Variants in SGCZ observed in about 807,000 individuals in gnomAD.
The protein encoded by SGCZ is sarcoglycan zeta.
A neutral mutation model predicts 41.3 loss-of-function variants in SGCZ; 40 were observed. The ratio of observed to expected loss-of-function variants is 0.97; its 90% CI spans 0.75 to 1.26. The LOEUF (loss-of-function observed/expected upper bound fraction) is 1.26, where lower values mean the gene tolerates loss of function less well. Ranked by LOEUF, SGCZ falls within the 50% of genes most tolerant of loss-of-function variation. The pLI is 0.00. For missense variants in SGCZ, 552 were observed against 369.8 expected (o/e 1.49, Z -4.04); for synonymous variants, 206 against 137.5 (o/e 1.50, Z -3.49).
intron 1 of SGCZ, among the ~76,000 whole-genome samples, chr8:15,033,136 C>A (rs893727608): frequency 1.3e-5 from 2 of 151,954 alleles, no homozygotes; most frequent in African/African-American, 4.8e-5. Flanking sequence ...GTCCCAGGGT[C>A]CAGGCCCATC....
chr8:14,949,052 A>G (rs997770010), intron 1 of SGCZ, among the ~76,000 whole-genome samples: 1 of 152,106 alleles, frequency 6.6e-6, no homozygotes, highest in Non-Finnish European at 1.5e-5. Context: ...TATCCAAAGT[A>G]CATTCGGTAC....
intron 2 of SGCZ, among the ~76,000 whole-genome samples, chr8:14,486,059 T>C (rs962600373): frequency 4.6e-5 from 7 of 152,210 alleles, no homozygotes; most frequent in African/African-American, 1.4e-4. Flanking sequence ...TTAGATCTAC[T>C]GATACAATAC....
chr8:14,201,438 C>T (rs1805452091), intron 4 of SGCZ, among the ~76,000 whole-genome samples: 1 of 152,058 alleles, frequency 6.6e-6, no homozygotes. Flanking sequence ...CAGAATACTC[C>T]TTAGTAATAA....
At chr8:14,745,357 T>C (rs1799312633) in intron 1 of SGCZ, among the ~76,000 whole-genome samples, 1 of 152,186 alleles carries the variant, frequency 6.6e-6, no homozygotes, top group Non-Finnish European at 1.5e-5. Context: ...AAGCTAGATC[T>C]GTATAATACA....
intron 6 of SGCZ, among the ~76,000 whole-genome samples, chr8:14,103,911 T>C (rs1371772217): frequency 6.6e-6 from 1 of 152,176 alleles, no homozygotes; most frequent in Non-Finnish European, 1.5e-5. Context: ...AATTTGAATG[T>C]TAAAATGTAT....
chr8:15,198,861 G>A (rs1001517582), intron 1 of SGCZ, among the ~76,000 whole-genome samples: 5 of 152,102 alleles, frequency 3.3e-5, no homozygotes, highest in East Asian at 1.9e-4. Flanking sequence ...GCGCTTTCTT[G>A]TTGAGGAAAT....
intron 1 of SGCZ, among the ~76,000 whole-genome samples, chr8:14,609,509 G>GA (rs1185231597): frequency 6.6e-6 from 1 of 152,134 alleles, no homozygotes; most frequent in Admixed American, 6.5e-5. Context: ...AGTACTGCAT[G>GA]AAAAATTTAA....
intron 1 of SGCZ, among the ~76,000 whole-genome samples, chr8:14,877,731 G>C (rs1804415986): frequency 6.6e-6 from 1 of 151,970 alleles, no homozygotes; most frequent in Admixed American, 6.6e-5. Flanking sequence ...GGCCAAATAA[G>C]TTTCACAATG....
At chr8:14,907,215 G>C (rs571455869) in intron 1 of SGCZ, among the ~76,000 whole-genome samples, 11 of 151,988 alleles carry the variant, frequency 7.2e-5, no homozygotes, top group African/African-American at 1.2e-4. Flanking sequence ...TATTTTTTGG[G>C]ACAGAGTCTT....
intron 4 of SGCZ, among the ~76,000 whole-genome samples, chr8:14,200,677 T>C (rs1805426300): frequency 6.6e-6 from 1 of 152,126 alleles, no homozygotes; most frequent in Non-Finnish European, 1.5e-5. Context: ...TAAGTCAAAA[T>C]AGATTATAAA....
intron 1 of SGCZ, among the ~76,000 whole-genome samples, chr8:14,743,140 T>G (rs901848198): frequency 6.6e-5 from 10 of 152,116 alleles, no homozygotes; most frequent in African/African-American, 2.4e-4. Flanking sequence ...AATAAAGTCA[T>G]GATTATTAAT....
chr8:15,210,158 G>A (rs988652060), intron 1 of SGCZ, among the ~76,000 whole-genome samples: 4 of 152,122 alleles, frequency 2.6e-5, no homozygotes, highest in Non-Finnish European at 5.9e-5. Context: ...TTTTCAGAAA[G>A]GTAGAAAGAA....
At chr8:15,009,696 C>A (rs1327851137) in intron 1 of SGCZ, among the ~76,000 whole-genome samples, 1 of 152,114 alleles carries the variant, frequency 6.6e-6, no homozygotes, top group African/African-American at 2.4e-5. Flanking sequence ...CTCTCAGGCT[C>A]CTGAAAGTTT....
At chr8:14,150,163 G>A (rs536663501) in intron 5 of SGCZ, among the ~76,000 whole-genome samples, 5 of 152,146 alleles carry the variant, frequency 3.3e-5, no homozygotes, top group African/African-American at 1.2e-4. Context: ...ACCACGGCAA[G>A]AATGGACAAA....
At chr8:15,013,903 A>C (rs1802925011) in intron 1 of SGCZ, among the ~76,000 whole-genome samples, 1 of 152,180 alleles carries the variant, frequency 6.6e-6, no homozygotes, top group Non-Finnish European at 1.5e-5. Flanking sequence ...GGGCAGCTAG[A>C]TTCATGCTTT....
At chr8:14,732,946 G>A (rs951475396) in intron 1 of SGCZ, among the ~76,000 whole-genome samples, 9 of 151,806 alleles carry the variant, frequency 5.9e-5, no homozygotes, top group African/African-American at 1.9e-4. Context: ...AATAAGATTC[G>A]CATTGATTAT....
At chr8:14,796,097 C>G (rs1263878405) in intron 1 of SGCZ, among the ~76,000 whole-genome samples, 2 of 152,116 alleles carry the variant, frequency 1.3e-5, no homozygotes, top group Admixed American at 6.6e-5. Flanking sequence ...AGGTTGATTC[C>G]TTGTCTTTGC....
intron 2 of SGCZ, among the ~76,000 whole-genome samples, chr8:14,416,860 T>C (rs1345393524): frequency 1.3e-5 from 2 of 151,864 alleles, no homozygotes; most frequent in Non-Finnish European, 2.9e-5. Flanking sequence ...ATAATGAGTA[T>C]AAAAGTGCTT....
chr8:14,117,758 C>T (rs570450408), intron 5 of SGCZ, among the ~76,000 whole-genome samples: 28 of 150,982 alleles, frequency 1.9e-4, no homozygotes, highest in African/African-American at 6.5e-4. Flanking sequence ...TAATAGGCCC[C>T]AGTGTGTGAT....
Sources: gnomAD v4.1 joint callset for allele counts (sites outside exome capture counted in the v4.1 genomes callset) on GRCh38, gnomAD v4.1.1 for gene constraint, MANE v1.5 for transcripts, NCBI Gene and HGNC (gene_info 2026-07-23, HGNC 2026-07-21) for gene names.